HS3ST4: variants seen among roughly 807,000 people sequenced by gnomAD.
HS3ST4 encodes the protein heparan sulfate glucosamine 3-O-sulfotransferase 4.
In HS3ST4, 17 loss-of-function variants were observed where a neutral mutation model predicts 29.2. The observed-to-expected ratio is 0.58, with a 90% CI of 0.40 to 0.87. HS3ST4 has a LOEUF of 0.87. Ranked by LOEUF, HS3ST4 falls within the 40% of genes least tolerant of loss-of-function variation. The pLI, the probability that HS3ST4 is intolerant of heterozygous loss-of-function variation, is 0.00. For missense variants in HS3ST4, 627 were observed against 634.5 expected, an observed-to-expected ratio of 0.99 and a Z score of 0.13; for synonymous variants, 314 against 285.7, an observed-to-expected ratio of 1.10 and a Z score of -1.00.
At chr16:25,827,078 A>G (rs1179906216) in intron 1 of HS3ST4, among the ~76,000 whole-genome samples, 1 of 152,198 alleles carries the variant, frequency 6.6e-6, no homozygotes, top group African/African-American at 2.4e-5. Context: ...AAATAGAGCC[A>G]GACTTCTCAA....
intron 1 of HS3ST4, among the ~76,000 whole-genome samples, chr16:25,792,638 T>A (rs1167082050): frequency 6.6e-6 from 1 of 151,930 alleles, no homozygotes; most frequent in Non-Finnish European, 1.5e-5. Context: ...GGATTTGTAA[T>A]GTTATCGCTC....
chr16:26,049,350 T>C, intron 1 of HS3ST4, among the ~76,000 whole-genome samples: 1 of 147,054 alleles, frequency 6.8e-6, no homozygotes, highest in East Asian at 2.0e-4. Flanking sequence ...CATCCGGAGG[T>C]CTACATCCGG....
chr16:26,081,149 CTG>C (rs1333790005), intron 1 of HS3ST4, among the ~76,000 whole-genome samples: 4 of 151,996 alleles, frequency 2.6e-5, no homozygotes, highest in Admixed American at 2.6e-4. Flanking sequence ...TAGCTGGACA[CTG>C]TGGCGTTTTC....
chr16:26,051,912 CCCTTCCTT>C lies in HS3ST4; in HGVS notation c.735-83681_735-83674del, dbSNP rs1340165050. ...TCCCTCCCTCCCTCCCTCCCTCCCT[CCCTTCCTT>C]CCTTCCTTCCTTCCTTCCGTCCTTC... On this transcript the variant is annotated intron_variant, in intron 1 of 1. Coordinates refer to ENST00000331351, the MANE Select transcript of HS3ST4 (RefSeq NM_006040.3). Among the ~76,000 whole-genome samples, 244 of 108,120 alleles carry C rather than the reference CCCTTCCTT, an allele frequency of 2.3e-3. 4 individuals carry two copies. The highest frequency in any genetic ancestry group is 0.011 in the African/African-American group (231 of 20,406). 70.9% of individuals were successfully genotyped at this position (108,120 alleles called of 152,430 possible). A position where few individuals can be genotyped will look rare whatever the true frequency, so the allele number is the denominator to read the frequency against.
chr16:25,893,780 G>A (rs879306768), intron 1 of HS3ST4, among the ~76,000 whole-genome samples: 3 of 152,198 alleles, frequency 2.0e-5, no homozygotes, highest in African/African-American at 7.2e-5. Context: ...GATGGGCATT[G>A]GACAGGTGAA....
At chr16:25,915,992 T>C (rs1968289645) in intron 1 of HS3ST4, among the ~76,000 whole-genome samples, 1 of 152,220 alleles carries the variant, frequency 6.6e-6, no homozygotes, top group African/African-American at 2.4e-5. Context: ...AAATGATCAG[T>C]ATCAGTTTTT....
rs543704586 is a variant in HS3ST4, at chr16:26,048,276, A to G, written c.735-87336A>G. 4.6e-5 allele frequency among the ~76,000 whole-genome samples: 7 copies of G among 152,314 alleles called. No homozygotes were observed. The South Asian group carries it at 6.2e-4, about 14-fold the overall frequency. On this transcript the variant is annotated intron_variant, in intron 1 of 1. Transcript: ENST00000331351. ...ATGAACGTAGGAACAAACTTCAACA[A>G]ATGAATGTTAGGGAGGAAGCAATTC...
At chr16:25,899,038 TA>T (rs1419052112) in intron 1 of HS3ST4, among the ~76,000 whole-genome samples, 1 of 152,242 alleles carries the variant, frequency 6.6e-6, no homozygotes, top group Non-Finnish European at 1.5e-5. Context: ...GTGGCACAGT[TA>T]CTTTTTCTAC....
intron 1 of HS3ST4, among the ~76,000 whole-genome samples, chr16:25,855,989 T>C (rs967402836): frequency 9.9e-5 from 15 of 151,798 alleles, no homozygotes; most frequent in Non-Finnish European, 1.3e-4. Flanking sequence ...CCCTGGAGAG[T>C]AGCCCTTTGT....
chr16:26,109,599 A>G (rs1319500466), intron 1 of HS3ST4, among the ~76,000 whole-genome samples: 2 of 149,822 alleles, frequency 1.3e-5, no homozygotes, highest in African/African-American at 4.9e-5. Context: ...CCTCTAATCT[A>G]TGAGATCAAC....
Position 25,997,802 on chromosome 16 carries a change from G to A in HS3ST4, c.735-137810G>A, listed in dbSNP as rs1596639523. Among the ~76,000 whole-genome samples, 3 of 152,228 alleles carry A rather than the reference G, an allele frequency of 2.0e-5. No individual in the cohort carries two copies. The South Asian group carries it at 6.2e-4, about 32-fold the overall frequency. On this transcript the variant is annotated intron_variant, in intron 1 of 1. Coordinates refer to ENST00000331351, the MANE Select transcript of HS3ST4 (RefSeq NM_006040.3). Reference sequence around the variant, plus strand: ...TGGCTGATTTTGAGACCCAAGATGGGCTTAGAATGGGGAGTAATTGCTCCC... The same window carrying A: ...TGGCTGATTTTGAGACCCAAGATGGACTTAGAATGGGGAGTAATTGCTCCC...
intron 1 of HS3ST4, among the ~76,000 whole-genome samples, chr16:25,696,220 T>A (rs922630170): frequency 6.6e-6 from 1 of 152,192 alleles, no homozygotes; most frequent in Non-Finnish European, 1.5e-5. Context: ...AAACCCTCCA[T>A]GCCCTCTTCC....
intron 1 of HS3ST4, among the ~76,000 whole-genome samples, chr16:26,002,482 T>C (rs530974997): frequency 1.3e-5 from 2 of 152,168 alleles, no homozygotes; most frequent in East Asian, 1.9e-4. Context: ...GTGGAAGAGG[T>C]TGACATTCAA....
intron 1 of HS3ST4, among the ~76,000 whole-genome samples, chr16:25,829,752 C>T (rs1305383870): frequency 7.3e-6 from 1 of 137,474 alleles, no homozygotes; most frequent in African/African-American, 2.8e-5. Context: ...GACATGAGCT[C>T]ATTCTTTTTT....
intron 1 of HS3ST4, among the ~76,000 whole-genome samples, chr16:25,808,449 C>G (rs1210364850): frequency 6.6e-6 from 1 of 152,128 alleles, no homozygotes; most frequent in Non-Finnish European, 1.5e-5. Flanking sequence ...GTATTTCTAG[C>G]TTATGTTTTC....
At chr16:25,780,655 A>G (rs1966851812) in intron 1 of HS3ST4, among the ~76,000 whole-genome samples, 1 of 152,198 alleles carries the variant, frequency 6.6e-6, no homozygotes, top group Non-Finnish European at 1.5e-5. Context: ...GGGAGAAATA[A>G]CAGTGCGTAC....
chr16:26,025,099 G>A (rs575400885), intron 1 of HS3ST4: 3 of 151,882 alleles, frequency 2.0e-5, no homozygotes, highest in Admixed American at 2.0e-4. Context: ...CTTTTATATA[G>A]ATTTGCAGAG....
At chr16:25,999,596 T>C (rs984708982) in intron 1 of HS3ST4, among the ~76,000 whole-genome samples, 2 of 151,102 alleles carry the variant, frequency 1.3e-5, no homozygotes, top group African/African-American at 4.9e-5. Flanking sequence ...GGTCCTCAAG[T>C]TAAACATAAT....
intron 1 of HS3ST4, among the ~76,000 whole-genome samples, chr16:26,109,990 T>C (rs1417414679): frequency 1.3e-5 from 2 of 152,208 alleles, no homozygotes; most frequent in East Asian, 1.9e-4. Context: ...ATAATAGATC[T>C]ATGGAACTAT....
Sources: allele counts gnomAD v4.1 joint callset (sites outside exome capture counted in the v4.1 genomes callset), GRCh38; gene constraint gnomAD v4.1.1; transcripts MANE v1.5; gene names NCBI Gene and HGNC (gene_info 2026-07-23, HGNC 2026-07-21).